The following FAM135B variants were observed in gnomAD, a reference collection of about 807,000 sequenced individuals.
The protein encoded by FAM135B is protein FAM135B.
In FAM135B, 43 loss-of-function variants were observed where a neutral mutation model predicts 127.7. That is an observed-to-expected ratio of 0.34 (90% CI 0.26 to 0.43). FAM135B has a LOEUF of 0.43. Among genes scored for constraint, FAM135B ranks in the 20% least tolerant of loss-of-function variants. The pLI, the probability that FAM135B is intolerant of heterozygous loss-of-function variation, is 1.00. For missense variants in FAM135B, 1,558 were observed against 1,725.6 expected (o/e 0.90, Z 1.72); for synonymous variants, 670 against 665.1 (o/e 1.01, Z -0.11).
chr8:138,280,464 T>C (rs901338831), intron 3 of FAM135B, among the ~76,000 whole-genome samples: 7 of 152,136 alleles, frequency 4.6e-5, no homozygotes, highest in Admixed American at 4.6e-4. Context: ...GGCTGGCCCT[T>C]TATATGCTGC....
chr8:138,177,932 G>C (rs919865353), intron 10 of FAM135B, among the ~76,000 whole-genome samples: 1 of 152,192 alleles, frequency 6.6e-6, no homozygotes, highest in African/African-American at 2.4e-5. Flanking sequence ...AACACACAGA[G>C]AGCAATGTCT....
At chr8:138,454,020 C>T (rs867103784) in intron 1 of FAM135B, among the ~76,000 whole-genome samples, 1 of 151,886 alleles carries the variant, frequency 6.6e-6, no homozygotes. Flanking sequence ...TCGAGCTATG[C>T]GTGCAACTCA....
intron 7 of FAM135B, among the ~76,000 whole-genome samples, chr8:138,231,795 T>C (rs534292501): frequency 1.3e-5 from 2 of 152,258 alleles, no homozygotes; most frequent in African/African-American, 4.8e-5. Context: ...ATATTAAAAA[T>C]ATCCAGCCGA....
At chr8:138,370,217 T>C (rs148329476) in intron 1 of FAM135B, among the ~76,000 whole-genome samples, 74 of 152,210 alleles carry the variant, frequency 4.9e-4, no homozygotes, top group African/African-American at 1.6e-3. Context: ...TAGAAGACAA[T>C]ATTTAACGCA....
At chr8:138,317,275 T>G (rs1000462284) in intron 2 of FAM135B, among the ~76,000 whole-genome samples, 2 of 152,210 alleles carry the variant, frequency 1.3e-5, no homozygotes, top group Non-Finnish European at 2.9e-5. Flanking sequence ...GGTGTATATT[T>G]CCATTTACAT....
intron 12 of FAM135B, among the ~76,000 whole-genome samples, chr8:138,162,902 T>C (rs961894005): frequency 1.3e-5 from 2 of 152,176 alleles, no homozygotes; most frequent in African/African-American, 4.8e-5. Context: ...CCACAGGTCA[T>C]AGATTCTTGG....
chr8:138,276,158 C>G (rs1039280117), intron 3 of FAM135B, among the ~76,000 whole-genome samples: 2 of 152,192 alleles, frequency 1.3e-5, no homozygotes, highest in Non-Finnish European at 2.9e-5. Context: ...TCCTGAAACC[C>G]GTCCTGCTAA....
intron 2 of FAM135B, among the ~76,000 whole-genome samples, chr8:138,350,299 G>A (rs1399390698): frequency 9.9e-5 from 15 of 152,122 alleles, no homozygotes; most frequent in Admixed American, 7.9e-4. Flanking sequence ...ACATTCCCAT[G>A]CCGTTATTCA....
chr8:138,428,475 G>A (rs1835020436), intron 1 of FAM135B, among the ~76,000 whole-genome samples: 1 of 152,026 alleles, frequency 6.6e-6, no homozygotes, highest in African/African-American at 2.4e-5. Flanking sequence ...TTATTTCAGT[G>A]CCTAGGCCAT....
intron 3 of FAM135B, among the ~76,000 whole-genome samples, chr8:138,302,895 G>T (rs556359666): frequency 6.6e-6 from 1 of 152,204 alleles, no homozygotes; most frequent in African/African-American, 2.4e-5. Flanking sequence ...ATCACAACAC[G>T]TGCCAGTTAG....
chr8:138,304,593 G>A (rs987640270), intron 3 of FAM135B, among the ~76,000 whole-genome samples: 1 of 152,192 alleles, frequency 6.6e-6, no homozygotes, highest in African/African-American at 2.4e-5. Flanking sequence ...GAAAAAGGAA[G>A]GGGTAGGCAT....
At chr8:138,220,376 G>C (rs1442385587) in intron 7 of FAM135B, among the ~76,000 whole-genome samples, 1 of 152,122 alleles carries the variant, frequency 6.6e-6, no homozygotes. Context: ...AAGGTCCTAC[G>C]CATCAACTGC....
At chr8:138,184,658 C>A (rs1815386322) in intron 9 of FAM135B, among the ~76,000 whole-genome samples, 1 of 152,122 alleles carries the variant, frequency 6.6e-6, no homozygotes, top group Non-Finnish European at 1.5e-5. Context: ...AAAGACCGGG[C>A]AGAGAAGAGT....
chr8:138,195,190 A>G (rs1167868545), intron 9 of FAM135B, 68 bp downstream of exon 9: 2 of 1,489,580 alleles, frequency 1.3e-6, no homozygotes, highest in Non-Finnish European at 1.9e-6. Context: ...TACAGCAAGC[A>G]AGCAACTGCA....
chr8:138,426,008 T>G (rs79413482), intron 1 of FAM135B, among the ~76,000 whole-genome samples: 1 of 18,684 alleles, frequency 5.4e-5, no homozygotes, highest in Non-Finnish European at 1.0e-4. Context: ...TATATATATA[T>G]ATATACACAC....
At chr8:138,156,060 A>C (rs1818706851) in intron 12 of FAM135B, among the ~76,000 whole-genome samples, 1 of 152,238 alleles carries the variant, frequency 6.6e-6, no homozygotes, top group Admixed American at 6.5e-5. Context: ...AGCACTCCTC[A>C]GCAAATGTAA....
At chr8:138,309,960 C>T (rs1353317582) in intron 3 of FAM135B, among the ~76,000 whole-genome samples, 1 of 150,662 alleles carries the variant, frequency 6.6e-6, no homozygotes, top group African/African-American at 2.4e-5. Flanking sequence ...ACCTCCACCT[C>T]CCAGGTTTAA....
intron 6 of FAM135B, among the ~76,000 whole-genome samples, chr8:138,245,468 G>GA (rs1821205530): frequency 6.6e-6 from 1 of 152,096 alleles, no homozygotes; most frequent in African/African-American, 2.4e-5. Flanking sequence ...AGATCTGATG[G>GA]TTTTATAAGG....
intron 5 of FAM135B, among the ~76,000 whole-genome samples, chr8:138,253,321 C>T: frequency 6.6e-6 from 1 of 152,146 alleles, no homozygotes; most frequent in East Asian, 1.9e-4. Context: ...TGGGTCTTTG[C>T]AGAGTAACAA....
Sources: gnomAD v4.1 joint callset for allele counts (sites outside exome capture counted in the v4.1 genomes callset) on GRCh38, gnomAD v4.1.1 for gene constraint, MANE v1.5 for transcripts, NCBI Gene and HGNC (gene_info 2026-07-23, HGNC 2026-07-21) for gene names.